The following CDH12 variants were observed in gnomAD, a reference collection of about 807,000 sequenced individuals.
CDH12 encodes cadherin-12.
In CDH12, 41 loss-of-function variants were observed where a neutral mutation model predicts 74.1. The observed-to-expected ratio is 0.55, with a 90% CI of 0.43 to 0.72. The LOEUF (loss-of-function observed/expected upper bound fraction) is 0.72, where lower values mean the gene tolerates loss of function less well. Ranked by LOEUF, CDH12 falls within the 30% of genes least tolerant of loss-of-function variation. The pLI is 0.00. For missense variants in CDH12, 945 were observed against 977.2 expected (o/e 0.97, Z 0.44); for synonymous variants, 399 against 355.0 (o/e 1.12, Z -1.39).
At chr5:21,768,118 G>A (rs959008483) in intron 11 of CDH12, among the ~76,000 whole-genome samples, 1 of 151,800 alleles carries the variant, frequency 6.6e-6, no homozygotes, top group African/African-American at 2.4e-5. Context: ...ATTTAATTAT[G>A]AACCTAGTAA....
intron 5 of CDH12, among the ~76,000 whole-genome samples, chr5:22,056,613 A>G (rs1349592636): frequency 1.3e-5 from 2 of 152,210 alleles, no homozygotes; most frequent in Non-Finnish European, 2.9e-5. Context: ...GCAGTCTGGT[A>G]AATCTAGAGA....
chr5:21,929,154 C>T lies in CDH12; in HGVS notation c.526+45937G>A, dbSNP rs556806475. 3.9e-5 allele frequency among the ~76,000 whole-genome samples: 6 copies of T among 152,076 alleles called. No individual in the cohort carries two copies. The East Asian group carries it at 5.8e-4, about 15-fold the overall frequency. On this transcript the variant is annotated intron_variant, in intron 6 of 14. Coordinates refer to ENST00000382254, the MANE Select transcript of CDH12 (RefSeq NM_004061.5). ...TGTACTCTATATCAGCGGTCCCCAA[C>T]CTTTTTGGCACCAGGGACCAGTTTC...
chr5:22,214,898 T>G (rs1282940713), intron 3 of CDH12, among the ~76,000 whole-genome samples: 1 of 152,210 alleles, frequency 6.6e-6, no homozygotes, highest in Non-Finnish European at 1.5e-5. Context: ...TGATGACTCT[T>G]CAGTAGTTTT....
At chr5:22,441,982 G>C (rs1214986235) in intron 2 of CDH12, among the ~76,000 whole-genome samples, 1 of 152,118 alleles carries the variant, frequency 6.6e-6, no homozygotes, top group Non-Finnish European at 1.5e-5. Flanking sequence ...GGGATTACAA[G>C]CATGAGCCAT....
At chr5:22,562,601 T>C (rs762650866) in intron 1 of CDH12, among the ~76,000 whole-genome samples, 4 of 151,580 alleles carry the variant, frequency 2.6e-5, no homozygotes, top group Non-Finnish European at 5.9e-5. Context: ...TTTTTTCTTA[T>C]GAAAATAAGA....
chr5:22,459,625 T>A (rs1419093321), intron 2 of CDH12, among the ~76,000 whole-genome samples: 1 of 152,116 alleles, frequency 6.6e-6, no homozygotes. Flanking sequence ...CCATAATCCA[T>A]AAGCCATAGA....
chr5:21,938,298 CTCTA>C (rs1032295003), intron 6 of CDH12, among the ~76,000 whole-genome samples: 3 of 152,078 alleles, frequency 2.0e-5, no homozygotes, highest in African/African-American at 7.2e-5. Context: ...AAATTCTGAC[CTCTA>C]TCTGTCAGAC....
intron 1 of CDH12, among the ~76,000 whole-genome samples, chr5:22,834,093 G>T (rs568535491): frequency 3.3e-4 from 50 of 152,232 alleles, no homozygotes; most frequent in Admixed American, 7.2e-4. Context: ...TGTTTTTGTT[G>T]TGTCTATTGC....
chr5:22,587,391 T>C (rs1740458800), intron 1 of CDH12, among the ~76,000 whole-genome samples: 1 of 152,164 alleles, frequency 6.6e-6, no homozygotes, highest in Admixed American at 6.6e-5. Context: ...AGTTCTTTTA[T>C]AGCAGCACAA....
chr5:22,144,578 G>T (rs1167698928), intron 4 of CDH12, among the ~76,000 whole-genome samples: 2 of 152,058 alleles, frequency 1.3e-5, no homozygotes, highest in East Asian at 1.9e-4. Context: ...ATAAAAATGT[G>T]CAGTGTGTTT....
chr5:22,747,660 CAATT>C lies in CDH12; in HGVS notation c.-523+105394_-523+105397del, dbSNP rs937869350. Among the ~76,000 whole-genome samples the C allele has an allele frequency of 1.5e-4, 21 of 136,474 alleles. No homozygotes were observed. In the South Asian group the frequency reaches 3.1e-3, roughly 20 times the overall value. The allele number at this position is 136,474 out of a possible 152,430, so 89.5% of individuals were successfully genotyped here. A position where few individuals can be genotyped will look rare whatever the true frequency, so the allele number is the denominator to read the frequency against. ...GAAAAAAAAGTAGTAAATAATGAAA[CAATT>C]AACTTATAGCTAAAGTTGCATTTGA... On this transcript the variant is annotated intron_variant, in intron 1 of 14. Transcript: ENST00000382254.
chr5:22,459,090 GTCTC>G (rs973397381), intron 2 of CDH12, among the ~76,000 whole-genome samples: 12 of 152,022 alleles, frequency 7.9e-5, no homozygotes, highest in Non-Finnish European at 5.9e-5. Context: ...TGTTCCAGGT[GTCTC>G]TCTAAGAATT....
At chr5:22,342,554 CCCTT>C (rs1479596296) in intron 3 of CDH12, among the ~76,000 whole-genome samples, 3 of 116,874 alleles carry the variant, frequency 2.6e-5, no homozygotes, top group African/African-American at 6.7e-5. Context: ...CCTCCCTCCT[CCCTT>C]CCTTCCTCCC....
At chr5:22,273,545 C>A (rs1408323199) in intron 3 of CDH12, among the ~76,000 whole-genome samples, 1 of 151,990 alleles carries the variant, frequency 6.6e-6, no homozygotes, top group Non-Finnish European at 1.5e-5. Context: ...ACTTTTGCAC[C>A]AAGCTAATAA....
At chr5:22,190,249 T>C (rs1216895229) in intron 4 of CDH12, among the ~76,000 whole-genome samples, 3 of 151,998 alleles carry the variant, frequency 2.0e-5, no homozygotes, top group African/African-American at 4.8e-5. Flanking sequence ...AAAATAAATA[T>C]GACACTACAT....
intron 3 of CDH12, among the ~76,000 whole-genome samples, chr5:22,274,947 C>G (rs992050186): frequency 2.6e-5 from 4 of 152,130 alleles, no homozygotes; most frequent in Non-Finnish European, 5.9e-5. Flanking sequence ...CAACCTTTCA[C>G]AGTGCACTGT....
intron 1 of CDH12, among the ~76,000 whole-genome samples, chr5:22,790,185 G>A (rs763132671): frequency 8.6e-5 from 13 of 152,032 alleles, no homozygotes; most frequent in East Asian, 1.9e-4. Flanking sequence ...TGAACAAAAC[G>A]TGTTTTGTTG....
At chr5:21,960,701 A>T (rs1422648596) in intron 6 of CDH12, among the ~76,000 whole-genome samples, 4 of 151,984 alleles carry the variant, frequency 2.6e-5, no homozygotes, top group Non-Finnish European at 5.9e-5. Flanking sequence ...AATGACTTAT[A>T]CACACACATA....
At chr5:22,411,297 C>A (rs1347176010) in intron 2 of CDH12, among the ~76,000 whole-genome samples, 3 of 151,650 alleles carry the variant, frequency 2.0e-5, no homozygotes, top group African/African-American at 4.8e-5. Flanking sequence ...TATAGTATTG[C>A]TAATTATTAC....
Sources: allele counts gnomAD v4.1 joint callset (sites outside exome capture counted in the v4.1 genomes callset), GRCh38; gene constraint gnomAD v4.1.1; transcripts MANE v1.5; gene names NCBI Gene and HGNC (gene_info 2026-07-23, HGNC 2026-07-21).